Variants in KREMEN1 observed in about 807,000 individuals in gnomAD.
KREMEN1 encodes kringle containing transmembrane protein 1.
Under a neutral mutation model 46.5 loss-of-function variants are expected in KREMEN1, and 30 were observed. That is an observed-to-expected ratio of 0.65 (90% CI 0.48 to 0.88). The LOEUF is 0.88. KREMEN1 is among the 40% of genes least tolerant of loss of function. The pLI, the probability that KREMEN1 is intolerant of heterozygous loss-of-function variation, is 0.00. For missense variants in KREMEN1, 533 were observed against 596.9 expected, an observed-to-expected ratio of 0.89 and a Z score of 1.11; for synonymous variants, 214 against 230.6, an observed-to-expected ratio of 0.93 and a Z score of 0.65.
At chr22:29,099,505 TCTAA>T (rs1400876672) in intron 3 of KREMEN1, 3 of 152,270 alleles carry the variant, frequency 2.0e-5, no homozygotes, top group Non-Finnish European at 2.9e-5. Flanking sequence ...ATGCCTGTTT[TCTAA>T]CTGTTTCATT....
chr22:29,117,621 T>C (rs1284256116), intron 3 of KREMEN1, among the ~76,000 whole-genome samples: 1 of 152,122 alleles, frequency 6.6e-6, no homozygotes, highest in Admixed American at 6.5e-5. Context: ...TTTGGAATTG[T>C]ATAATACATA....
intron 4 of KREMEN1, among the ~76,000 whole-genome samples, chr22:29,122,112 T>G (rs1240914536): frequency 6.6e-6 from 1 of 152,114 alleles, no homozygotes; most frequent in African/African-American, 2.4e-5. Context: ...CACTTACAGC[T>G]CAACAATATG....
chr22:29,083,709 G>C (rs528506650), intron 1 of KREMEN1, among the ~76,000 whole-genome samples: 1 of 152,264 alleles, frequency 6.6e-6, no homozygotes, highest in Non-Finnish European at 1.5e-5. Flanking sequence ...GTGGGTGCCT[G>C]TAATCCCAGC....
chr22:29,124,483 T>C (rs1316528595), intron 4 of KREMEN1, among the ~76,000 whole-genome samples: 6 of 151,416 alleles, frequency 4.0e-5, no homozygotes, highest in Admixed American at 3.9e-4. Flanking sequence ...TACTGGTGGT[T>C]GCACAAATCT....
At chr22:29,152,769 G>C (rs956386127) in intron 9 of KREMEN1, among the ~76,000 whole-genome samples, 9 of 152,128 alleles carry the variant, frequency 5.9e-5, no homozygotes, top group African/African-American at 1.9e-4. Flanking sequence ...CAGTGGCACC[G>C]TCACAGGGTA....
intron 5 of KREMEN1, 122 bp from the exon 6 acceptor site, chr22:29,137,220 A>G: frequency 1.6e-6 from 1 of 625,488 alleles, no homozygotes; most frequent in Non-Finnish European, 2.6e-6. Flanking sequence ...CAGGTTTTAC[A>G]GATAGAAACA....
intron 1 of KREMEN1, 86 bp from the exon 2 acceptor site, chr22:29,094,172 C>CAAACA: frequency 3.3e-6 from 4 of 1,200,518 alleles, no homozygotes; most frequent in Non-Finnish European, 3.6e-6. Context: ...CAGCTTGGTC[C>CAAACA]AAACAAAACA....
chr22:29,158,488 T>G (rs897307032), intron 9 of KREMEN1, among the ~76,000 whole-genome samples: 1 of 152,098 alleles, frequency 6.6e-6, no homozygotes, highest in African/African-American at 2.4e-5. Flanking sequence ...GCTGGAAAAG[T>G]CTCTGCCACC....
chr22:29,131,550 ATATATATATATGTGTGTGTG>A (rs2038537369), intron 5 of KREMEN1, among the ~76,000 whole-genome samples: 1 of 62,684 alleles, frequency 1.6e-5, no homozygotes, highest in South Asian at 5.0e-4. Flanking sequence ...ATATATATAT[ATATATATATATGTGTGTGTG>A]TGTGTGTGTG....
chr22:29,167,219 C>A, exon 10 of KREMEN1: 1 of 889,586 alleles, frequency 1.1e-6, no homozygotes, highest in Non-Finnish European at 1.8e-6. Context: ...TCTGGCCCAG[C>A]GTGGTGGTTC....
chr22:29,118,468 C>G (rs1361709221), intron 3 of KREMEN1, among the ~76,000 whole-genome samples: 1 of 152,078 alleles, frequency 6.6e-6, no homozygotes, highest in Non-Finnish European at 1.5e-5. Flanking sequence ...GTGGCTTAAA[C>G]AACAGACATT....
intron 1 of KREMEN1, among the ~76,000 whole-genome samples, chr22:29,091,733 GTCTCTC>G (rs750736577): frequency 9.2e-5 from 14 of 151,750 alleles, no homozygotes; most frequent in East Asian, 3.9e-4. Context: ...CACACACATT[GTCTCTC>G]TCTCTCTCTT....
intron 3 of KREMEN1, among the ~76,000 whole-genome samples, chr22:29,113,488 A>G (rs1266666198): frequency 2.0e-5 from 3 of 152,234 alleles, no homozygotes; most frequent in Non-Finnish European, 2.9e-5. Flanking sequence ...GCCTTATTGT[A>G]TATAATGATG....
intron 1 of KREMEN1, among the ~76,000 whole-genome samples, chr22:29,087,252 C>T (rs2037744090): frequency 6.6e-6 from 1 of 151,980 alleles, no homozygotes; most frequent in Non-Finnish European, 1.5e-5. Flanking sequence ...TAAAACCAGA[C>T]AGATTCTTCC....
At chr22:29,153,640 C>A (rs2038935595) in intron 9 of KREMEN1, among the ~76,000 whole-genome samples, 1 of 152,084 alleles carries the variant, frequency 6.6e-6, no homozygotes, top group South Asian at 2.1e-4. Context: ...ATTACAGGCA[C>A]CAGCCACCAT....
At chr22:29,151,701 C>G (rs1236326342), downstream of KREMEN1, among the ~76,000 whole-genome samples, 2 of 151,918 alleles carry the variant, frequency 1.3e-5, no homozygotes, top group Non-Finnish European at 2.9e-5. Flanking sequence ...TGATTTTTTC[C>G]CCCCAAAATT....
chr22:29,085,075 G>A (rs11912618), intron 1 of KREMEN1, among the ~76,000 whole-genome samples: 1,698 of 152,236 alleles, frequency 0.011, 27 homozygotes, highest in African/African-American at 0.038. Context: ...ATCCAAGAAC[G>A]TGATATATGA....
chr22:29,143,194 C>T lies in KREMEN1; in HGVS notation c.*1082C>T. The T allele has an allele frequency of 1.0e-6, 1 of 985,250 alleles. No individual in the cohort carries two copies. Among genetic ancestry groups the T allele is most frequent in the Non-Finnish European group, 1.2e-6 (1 of 829,836 alleles). The allele number at this position is 985,250 out of a possible 1,614,324, so 61.0% of individuals were successfully genotyped here. Reference sequence around the variant, plus strand: ...TAAACAAAAAAAATCCATTCATTTACTCATGCAATAAATTCTCCTGCAAGC... The same window carrying T: ...TAAACAAAAAAAATCCATTCATTTATTCATGCAATAAATTCTCCTGCAAGC... On this transcript the variant is annotated 3_prime_UTR_variant, in exon 9 of 9. Transcript: ENST00000400335.
chr22:29,142,824 G>T lies in KREMEN1; in HGVS notation c.*712G>T. The T allele has an allele frequency of 1.0e-6, 1 of 985,484 alleles. No homozygotes were observed. The highest frequency in any genetic ancestry group is 1.2e-6 in the Non-Finnish European group (1 of 829,966). 61.0% of individuals were successfully genotyped at this position (985,484 alleles called of 1,614,324 possible). ...TCTTCTTTCCATAGCTCATGGAGCT[G>T]CAGGGAAAGCTTTAAGAGCTTTGGT... On this transcript the variant is annotated 3_prime_UTR_variant, in exon 9 of 9. Coordinates refer to ENST00000400335, the MANE Select transcript of KREMEN1 (RefSeq NM_001039570.3).
Sources: gnomAD v4.1 joint callset for allele counts (sites outside exome capture counted in the v4.1 genomes callset) on GRCh38, gnomAD v4.1.1 for gene constraint, MANE v1.5 for transcripts, NCBI Gene and HGNC (gene_info 2026-07-23, HGNC 2026-07-21) for gene names.